Variants in SLMAP observed in about 807,000 individuals in gnomAD.
SLMAP encodes the protein sarcolemmal membrane-associated protein.
SLMAP carries 44 observed loss-of-function variants against 128.8 expected under a neutral mutation model. That is an observed-to-expected ratio of 0.34 (90% confidence interval 0.27 to 0.44). The LOEUF is 0.44. Among genes scored for constraint, SLMAP ranks in the 20% least tolerant of loss-of-function variants. The pLI is 1.00. For missense variants in SLMAP, 787 were observed against 985.3 expected (o/e 0.80, Z 2.69); for synonymous variants, 327 against 348.8 (o/e 0.94, Z 0.70).
At position 57,757,645 on chromosome 3, in the gene SLMAP, A is replaced by G. The variant is rs1204832241; in HGVS notation, c.-7A>G. The G allele has an allele frequency of 1.9e-6, 3 of 1,613,514 alleles. No individual in the cohort carries two copies. The highest frequency in any genetic ancestry group is 1.3e-5 in the African/African-American group (1 of 74,896). On this transcript the variant is annotated 5_prime_UTR_variant, in exon 2 of 25. Coordinates refer to ENST00000671191, the MANE Select transcript of SLMAP (RefSeq NM_001377540.1). ...CTGGTAGGAGAGACACCCCCAGTCT[A>G]TCCTCGATGCCGTCAGCCTTGGCCA... is the stretch of plus-strand genomic sequence containing the variant.
At chr3:57,879,962 A>AG (rs1387505143) in intron 14 of SLMAP, among the ~76,000 whole-genome samples, 1 of 151,676 alleles carries the variant, frequency 6.6e-6, no homozygotes, top group Non-Finnish European at 1.5e-5. Flanking sequence ...AAAAAAAAAA[A>AG]TAAAAATAAA....
intron 14 of SLMAP, among the ~76,000 whole-genome samples, chr3:57,874,072 A>G (rs572946861): frequency 2.5e-4 from 38 of 152,166 alleles, no homozygotes; most frequent in African/African-American, 9.2e-4. Context: ...GCAGCGAGCC[A>G]AGATCGCACC....
intron 13 of SLMAP, among the ~76,000 whole-genome samples, chr3:57,869,643 T>TATATATATATATATATATA (rs1560337717): frequency 7.7e-6 from 1 of 129,708 alleles, no homozygotes; most frequent in African/African-American, 3.0e-5. Flanking sequence ...TATATATATA[T>TATATATATATATATATATA]ATATATATAT....
chr3:57,863,294 A>G (rs550450832), intron 10 of SLMAP, among the ~76,000 whole-genome samples: 2 of 152,304 alleles, frequency 1.3e-5, no homozygotes, highest in East Asian at 1.9e-4. Flanking sequence ...GAAAAAAAAA[A>G]TCTTATAACT....
chr3:57,820,965 A>G (rs559906957), intron 2 of SLMAP, among the ~76,000 whole-genome samples: 1 of 152,338 alleles, frequency 6.6e-6, no homozygotes, highest in East Asian at 1.9e-4. Flanking sequence ...TGACCCTGAC[A>G]GGTATATAGA....
chr3:57,791,749 A>G lies in SLMAP; in HGVS notation c.198+33900A>G, dbSNP rs112758900. 3.2e-3 allele frequency among the ~76,000 whole-genome samples: 488 copies of G among 152,294 alleles called. 3 individuals are homozygous for G. The highest frequency in any genetic ancestry group is 0.011 in the African/African-American group (466 of 41,572). ...TTTAAAAATTATAATTTTAATGAAT[A>G]GTAGAAATCTCTCATATTTGAACCA... is the stretch of plus-strand genomic sequence containing the variant. On this transcript the variant is annotated intron_variant, in intron 2 of 24. Coordinates refer to ENST00000671191, the MANE Select transcript of SLMAP (RefSeq NM_001377540.1).
intron 22 of SLMAP, among the ~76,000 whole-genome samples, chr3:57,921,487 G>A (rs2096917322): frequency 6.6e-6 from 1 of 151,916 alleles, no homozygotes. Flanking sequence ...CATACCAGAT[G>A]TGGCAGCAGG....
intron 2 of SLMAP, among the ~76,000 whole-genome samples, chr3:57,806,252 C>G (rs940365896): frequency 6.6e-6 from 1 of 152,018 alleles, no homozygotes; most frequent in Non-Finnish European, 1.5e-5. Flanking sequence ...GTTCCCCTCC[C>G]TGTGTCCATG....
intron 17 of SLMAP, chr3:57,898,957 T>C (rs957046778): frequency 5.3e-5 from 8 of 152,166 alleles, no homozygotes; most frequent in African/African-American, 1.9e-4. Flanking sequence ...CTTACCATGG[T>C]GTTGGGAACA....
At position 57,807,872 on chromosome 3, in the gene SLMAP, A is replaced by G. The variant is rs141364006; in HGVS notation, c.199-23511A>G. Among the ~76,000 whole-genome samples, 147 of 152,310 alleles carry G rather than the reference A, an allele frequency of 9.7e-4. 5 individuals carry two copies. The East Asian group carries it at 0.015, about 16-fold the overall frequency. On this transcript the variant is annotated intron_variant, in intron 2 of 24. Coordinates refer to ENST00000671191, the MANE Select transcript of SLMAP (RefSeq NM_001377540.1). ...ACCAGCTCCTCTTTGTTCCTCTGGT[A>G]GAACTTGGCTGTGAATCCATCTGGT...
intron 2 of SLMAP, among the ~76,000 whole-genome samples, chr3:57,761,813 C>A (rs1038374916): frequency 6.8e-6 from 1 of 146,014 alleles, no homozygotes; most frequent in South Asian, 2.2e-4. Flanking sequence ...TTTGGGAGGC[C>A]GAGGCGGGTG....
intron 17 of SLMAP, among the ~76,000 whole-genome samples, chr3:57,906,292 ATTTTTTTCTT>A (rs1206747685): frequency 9.2e-4 from 72 of 78,640 alleles, no homozygotes; most frequent in East Asian, 2.2e-3. Context: ...CCAGAATCAA[ATTTTTTTCTT>A]TTTTTTTCTT....
rs577411944 is a variant in SLMAP at position 57,757,210 on chromosome 3, A to G, written c.-442A>G. 14 of 203,310 alleles carry G rather than the reference A, an allele frequency of 6.9e-5. No homozygotes were observed. Among genetic ancestry groups the G allele is most frequent in the Non-Finnish European group, 1.2e-4 (12 of 98,138 alleles). 12.6% of individuals were successfully genotyped at this position (203,310 alleles called of 1,614,324 possible). On this transcript the variant is annotated 5_prime_UTR_variant, in exon 2 of 25. Coordinates refer to ENST00000671191, the MANE Select transcript of SLMAP (RefSeq NM_001377540.1). The stretch of plus-strand genomic sequence containing the variant: ...CCTGGCCGCGCCGAACCGACCCTTC[A>G]TTCATGCTGCAGTGCTGCAACGTTT...
chr3:57,892,474 C>T (rs991288067), intron 15 of SLMAP, among the ~76,000 whole-genome samples: 2 of 151,770 alleles, frequency 1.3e-5, no homozygotes, highest in African/African-American at 2.4e-5. Context: ...ACTAGCTGTA[C>T]ACCCTCAGGC....
rs111685252 is a variant in SLMAP, at chr3:57,886,184, A to G, written c.1301-3857A>G. On this transcript the variant is annotated intron_variant, in intron 14 of 24. Transcript: ENST00000671191. The stretch of plus-strand genomic sequence containing the variant: ...AGTGGCATGATCTCAGCTCACTGCA[A>G]CCTCTGCCACCCAGGTTGAAGCAAT... Among the ~76,000 whole-genome samples, 482 of 150,788 alleles carry G rather than the reference A, an allele frequency of 3.2e-3. 3 individuals carry two copies. The highest frequency in any genetic ancestry group is 0.011 in the African/African-American group (461 of 41,004).
rs117440944 is a variant in SLMAP, at chr3:57,774,814, G to A, written c.198+16965G>A. On this transcript the variant is annotated intron_variant, in intron 2 of 24. Transcript: ENST00000671191. Reference sequence around the variant, plus strand: ...GCTGGGATTACAGGTGTGAGCCATTGCGCCCGGCCAACAGACAATTATTTT... The same window carrying A: ...GCTGGGATTACAGGTGTGAGCCATTACGCCCGGCCAACAGACAATTATTTT... 1.5e-3 allele frequency among the ~76,000 whole-genome samples: 235 copies of A among 152,140 alleles called. 4 individuals carry two copies. In the East Asian group the frequency reaches 0.04, roughly 26 times the overall value.
chr3:57,841,397 T>C, intron 4 of SLMAP, 26 bp downstream of exon 4: 1 of 1,457,056 alleles, frequency 6.9e-7, no homozygotes, highest in Non-Finnish European at 9.5e-7. Context: ...TACTGTGAAG[T>C]TTTTGTGAAG....
At chr3:57,810,468 C>G (rs2090762985) in intron 2 of SLMAP, among the ~76,000 whole-genome samples, 1 of 152,170 alleles carries the variant, frequency 6.6e-6, no homozygotes, top group Non-Finnish European at 1.5e-5. Flanking sequence ...AAGGATCCTG[C>G]AACAATTTTT....
chr3:57,777,169 C>T lies in SLMAP; in HGVS notation c.198+19320C>T, dbSNP rs571719281. On this transcript the variant is annotated intron_variant, in intron 2 of 24. Coordinates refer to ENST00000671191, the MANE Select transcript of SLMAP (RefSeq NM_001377540.1). ...ATGCTAAATGACGAGTTAATGGGTGCAGCACACCAGCAGGGCACATGTATA... is the reference window on the plus strand; with the variant it reads ...ATGCTAAATGACGAGTTAATGGGTGTAGCACACCAGCAGGGCACATGTATA... Among the ~76,000 whole-genome samples the T allele has an allele frequency of 2.3e-3, 348 of 151,588 alleles. 1 individual carries two copies. The highest frequency in any genetic ancestry group is 7.7e-3 in the African/African-American group (318 of 41,278).
Sources: gnomAD v4.1 joint callset for allele counts (sites outside exome capture counted in the v4.1 genomes callset) on GRCh38, gnomAD v4.1.1 for gene constraint, MANE v1.5 for transcripts, NCBI Gene and HGNC (gene_info 2026-07-23, HGNC 2026-07-21) for gene names.